PRKCB: variants seen among roughly 807,000 people sequenced by gnomAD.
The protein encoded by PRKCB is protein kinase C beta type.
A neutral mutation model predicts 81.5 loss-of-function variants in PRKCB; 13 were observed. The ratio of observed to expected loss-of-function variants is 0.16; its 90% CI spans 0.10 to 0.25. The LOEUF (loss-of-function observed/expected upper bound fraction) is 0.25, where lower values mean the gene tolerates loss of function less well. Ranked by LOEUF, PRKCB falls within the 10% of genes least tolerant of loss-of-function variation. The pLI, the probability that PRKCB is intolerant of heterozygous loss-of-function variation, is 1.00. For missense variants in PRKCB, 509 were observed against 875.7 expected (o/e 0.58, Z 5.29); for synonymous variants, 335 against 321.4 (o/e 1.04, Z -0.45).
chr16:23,838,325 G>A (rs1299141985), intron 2 of PRKCB, among the ~76,000 whole-genome samples: 2 of 152,200 alleles, frequency 1.3e-5, no homozygotes, highest in Non-Finnish European at 2.9e-5. Flanking sequence ...GAGAGCCGTC[G>A]TCGTAGATGG....
chr16:23,963,523 A>G (rs1407081724), intron 2 of PRKCB, among the ~76,000 whole-genome samples: 1 of 152,216 alleles, frequency 6.6e-6, no homozygotes. Context: ...TGAAATTAAC[A>G]AAAAGAGCCT....
intron 9 of PRKCB, among the ~76,000 whole-genome samples, chr16:24,127,466 C>T (rs534462576): frequency 2.2e-4 from 33 of 151,834 alleles, no homozygotes; most frequent in South Asian, 8.3e-4. Flanking sequence ...AGTTAATTTG[C>T]GTCTTTCCAG....
chr16:24,192,781 C>T (rs1967813651), intron 16 of PRKCB, among the ~76,000 whole-genome samples: 1 of 152,066 alleles, frequency 6.6e-6, no homozygotes, highest in Non-Finnish European at 1.5e-5. Context: ...TGGTCTCCAC[C>T]CCAGACCTCC....
chr16:23,868,119 ACCAATGTAG>A (rs1962838079), intron 2 of PRKCB, among the ~76,000 whole-genome samples: 1 of 152,076 alleles, frequency 6.6e-6, no homozygotes, highest in East Asian at 1.9e-4. Context: ...GGCTGAAAAA[ACCAATGTAG>A]CCATGGTCCA....
intron 2 of PRKCB, among the ~76,000 whole-genome samples, chr16:23,900,885 C>A (rs763130756): frequency 6.6e-6 from 1 of 151,970 alleles, no homozygotes; most frequent in Non-Finnish European, 1.5e-5. Context: ...AATCCAAAAT[C>A]CTGCAAGAGG....
chr16:24,078,627 A>G (rs1966210397), intron 5 of PRKCB, among the ~76,000 whole-genome samples: 1 of 152,176 alleles, frequency 6.6e-6, no homozygotes, highest in African/African-American at 2.4e-5. Context: ...TAAAGTAGCA[A>G]GTGCTGCATC....
intron 2 of PRKCB, among the ~76,000 whole-genome samples, chr16:23,985,549 A>G (rs1307525903): frequency 6.6e-6 from 1 of 152,224 alleles, no homozygotes; most frequent in Non-Finnish European, 1.5e-5. Context: ...CAAGGGGACA[A>G]TCATTTCCTG....
At chr16:24,070,904 A>G (rs1966099635) in intron 5 of PRKCB, among the ~76,000 whole-genome samples, 1 of 152,242 alleles carries the variant, frequency 6.6e-6, no homozygotes, top group Non-Finnish European at 1.5e-5. Flanking sequence ...GTCACTGAAG[A>G]TAAGAAAGGA....
intron 2 of PRKCB, among the ~76,000 whole-genome samples, chr16:23,901,597 A>C (rs1963473688): frequency 6.6e-6 from 1 of 152,126 alleles, no homozygotes; most frequent in African/African-American, 2.4e-5. Flanking sequence ...ATCTCTCTGG[A>C]ATGTCAAGTA....
chr16:24,094,928 G>A (rs562286117), intron 7 of PRKCB, among the ~76,000 whole-genome samples: 50 of 151,570 alleles, frequency 3.3e-4, no homozygotes, highest in Non-Finnish European at 7.1e-4. Context: ...AGGAAGGAAG[G>A]GAGGAAGGGA....
intron 13 of PRKCB, among the ~76,000 whole-genome samples, chr16:24,183,835 G>A (rs1301930910): frequency 6.6e-6 from 1 of 152,126 alleles, no homozygotes; most frequent in Non-Finnish European, 1.5e-5. Flanking sequence ...CCTCTGACAT[G>A]GTTAGTTTTA....
In PRKCB at chr16:23,855,000, C is replaced by T. The variant is rs150192155; in HGVS notation, c.205+17594C>T. ...GGATACGGCCAGGACTTAGTGCACA[C>T]GCAACACTGAATACTACCACCATGA... On this transcript the variant is annotated intron_variant, in intron 2 of 16. Transcript: ENST00000643927. 1.0e-3 allele frequency among the ~76,000 whole-genome samples: 155 copies of T among 152,248 alleles called. 1 individual carries two copies. The highest frequency in any genetic ancestry group is 3.5e-3 in the African/African-American group (144 of 41,554).
At position 24,030,177 on chromosome 16, in the gene PRKCB, C is replaced by T. The variant is rs538162573; in HGVS notation, c.289-1959C>T. On this transcript the variant is annotated intron_variant, in intron 3 of 16. Transcript: ENST00000643927. ...CCTCTCAAAGTGCTGGGGTTATAGG[C>T]GTGAGACACTGTACCTGGTCTGCAA... Among the ~76,000 whole-genome samples the T allele has an allele frequency of 6.6e-3, 1,003 of 152,206 alleles. 6 individuals carry two copies. Among genetic ancestry groups the T allele is most frequent in the Non-Finnish European group, 0.011 (782 of 68,010 alleles).
At chr16:24,146,410 C>T (rs1966990592) in intron 9 of PRKCB, among the ~76,000 whole-genome samples, 1 of 152,180 alleles carries the variant, frequency 6.6e-6, no homozygotes, top group African/African-American at 2.4e-5. Flanking sequence ...CTCTCAGCAG[C>T]ACCAAAAGCA....
At chr16:23,949,704 A>C (rs1964251043) in intron 2 of PRKCB, among the ~76,000 whole-genome samples, 1 of 152,196 alleles carries the variant, frequency 6.6e-6, no homozygotes, top group African/African-American at 2.4e-5. Flanking sequence ...TTTCCAATTT[A>C]GTGGCAGTGG....
chr16:23,886,419 T>G (rs895212825), intron 2 of PRKCB, among the ~76,000 whole-genome samples: 47 of 142,552 alleles, frequency 3.3e-4, no homozygotes, highest in Non-Finnish European at 4.9e-4. Flanking sequence ...TTTTTTTTTT[T>G]TTTTTTTTTT....
At chr16:23,999,184 T>C (rs1365205122) in intron 3 of PRKCB, among the ~76,000 whole-genome samples, 2 of 152,208 alleles carry the variant, frequency 1.3e-5, no homozygotes, top group Non-Finnish European at 2.9e-5. Context: ...CTGATACTCA[T>C]GCAGGTATGG....
At chr16:23,872,134 A>C (rs1032444577) in intron 2 of PRKCB, among the ~76,000 whole-genome samples, 3 of 152,146 alleles carry the variant, frequency 2.0e-5, no homozygotes, top group Non-Finnish European at 4.4e-5. Flanking sequence ...CCCCAGTTCC[A>C]AGAAATGGTC....
chr16:24,148,785 T>G (rs1967031189), intron 9 of PRKCB, among the ~76,000 whole-genome samples: 1 of 152,240 alleles, frequency 6.6e-6, no homozygotes, highest in African/African-American at 2.4e-5. Context: ...TGCTTATTTT[T>G]GTAAATAAAG....
Sources: allele counts gnomAD v4.1 joint callset (sites outside exome capture counted in the v4.1 genomes callset), GRCh38; gene constraint gnomAD v4.1.1; transcripts MANE v1.5; gene names NCBI Gene and HGNC (gene_info 2026-07-23, HGNC 2026-07-21).